Variants in NOL6 observed in about 807,000 individuals in gnomAD.
The protein encoded by NOL6 is nucleolar RNA-associated protein.
In NOL6, 33 loss-of-function variants were observed where a neutral mutation model predicts 131.7. That is an observed-to-expected ratio of 0.25 (90% CI 0.19 to 0.33). NOL6 has a LOEUF of 0.33. NOL6 is among the 10% of genes least tolerant of loss of function. The pLI is 1.00. For synonymous variants in NOL6, 580 were observed against 605.7 expected (o/e 0.96, Z 0.62); for missense variants, 1,297 against 1,494.5 (o/e 0.87, Z 2.18).
Position 33,464,921 on chromosome 9 carries a change from T to C in NOL6, c.2737A>G (p.Lys913Glu). ...AGGTTGACAAAGAGGGGGTTGTTCT[T>C]CCAATCAAACGTTGATACCAAGAAA... ...FLFLVSTFDW[K>E]NNPLFVNLNN... is the part of the protein sequence containing the mutation. Residue 913 changes from lysine to glutamate, a missense_variant, in exon 21 of 26, where the codon AAG (lysine) becomes GAG (glutamate). Physicochemically the swap from Lys to Glu is moderately conservative, Grantham distance 56 (BLOSUM62 1). Transcript: ENST00000297990. 1.2e-6 allele frequency: 2 copies of C among 1,613,980 alleles called. No homozygotes were observed. Among genetic ancestry groups the C allele is most frequent in the Non-Finnish European group, 1.7e-6 (2 of 1,179,992 alleles).
Position 33,465,432 on chromosome 9 carries a change from C to T in NOL6, c.2529-73G>A, listed in dbSNP as rs113783051. ...CTGTTCATCCAGCCCCTACCCAAGG[C>T]CAGCCTCAGTGATAATAGGTTACAT... On this transcript the variant is annotated intron_variant, in intron 19 of 25. Coordinates refer to ENST00000297990, the MANE Select transcript of NOL6 (RefSeq NM_022917.5). 2.7e-5 allele frequency: 40 copies of T among 1,482,784 alleles called. No homozygotes were observed. In the African/African-American group the frequency reaches 4.6e-4, roughly 17 times the overall value. The allele number at this position is 1,482,784 out of a possible 1,614,324, so 91.9% of individuals were successfully genotyped here. A position where few individuals can be genotyped will look rare whatever the true frequency, so the allele number is the denominator to read the frequency against.
At chr9:33,472,941 C>G (rs1341712640) in intron 1 of NOL6, among the ~76,000 whole-genome samples, 1 of 144,406 alleles carries the variant, frequency 6.9e-6, no homozygotes, top group Non-Finnish European at 1.5e-5. Flanking sequence ...CCATTGCATT[C>G]TAGCCTGGGC....
At position 33,467,271 on chromosome 9, in the gene NOL6, G is replaced by A. The variant is rs765926533; in HGVS notation, c.1726-9C>T. On this transcript the variant is annotated splice_polypyrimidine_tract_variant and intron_variant, in intron 13 of 25. Coordinates refer to ENST00000297990, the MANE Select transcript of NOL6 (RefSeq NM_022917.5). The surrounding 1 kb of genome is among the most constrained non-coding windows in gnomAD (Gnocchi z 4.4). ...TGGCGGAATTTAGCAGCCTGAGGAG[G>A]CAAGGGTGGTAGTAGAGCTGGGGAA... 3.7e-5 allele frequency: 60 copies of A among 1,613,794 alleles called. No homozygotes were observed. The highest frequency in any genetic ancestry group is 4.8e-5 in the Non-Finnish European group (57 of 1,179,856).
Position 33,465,279 on chromosome 9 carries a change from C to T in NOL6, c.2609G>A (p.Gly870Asp). ...CAGATCCAGGCTCTCATCAGCGAAA[C>T]CCTCACCAAGAAGCTGGGCACGCAC... ...RWVRAQLLGEGFADESLDLVA... is the reference protein window; with the variant it reads ...RWVRAQLLGEDFADESLDLVA... Residue 870 changes from glycine to aspartate, a missense_variant, in exon 20 of 26, where the codon GGT (glycine) becomes GAT (aspartate). By Grantham distance (94) the Gly-to-Asp change is moderately conservative. Coordinates refer to ENST00000297990, the MANE Select transcript of NOL6 (RefSeq NM_022917.5). The T allele has an allele frequency of 6.3e-7, 1 of 1,596,632 alleles. No homozygotes were observed. Among genetic ancestry groups the T allele is most frequent in the Non-Finnish European group, 8.5e-7 (1 of 1,171,182 alleles).
chr9:33,468,583 G>A lies in NOL6; in HGVS notation c.1148-17C>T, dbSNP rs879097365. On this transcript the variant is annotated splice_polypyrimidine_tract_variant and intron_variant, in intron 8 of 25. Coordinates refer to ENST00000297990, the MANE Select transcript of NOL6 (RefSeq NM_022917.5). Reference sequence around the variant, plus strand: ...CTGTAGTGGCTGAAGTGAATCACAAGTGTATTAGAAGGTATCCCCTTCTGG... The same window carrying A: ...CTGTAGTGGCTGAAGTGAATCACAAATGTATTAGAAGGTATCCCCTTCTGG... 6.2e-7 allele frequency: 1 copy of A among 1,613,786 alleles called. No individual in the cohort carries two copies. The highest frequency in any genetic ancestry group is 1.3e-5 in the African/African-American group (1 of 75,030).
chr9:33,469,712 T>G, intron 4 of NOL6, 45 bp from the exon 5 acceptor site: 1 of 1,583,552 alleles, frequency 6.3e-7, no homozygotes, highest in Non-Finnish European at 8.5e-7. Flanking sequence ...CATAAGTGCT[T>G]GTGGAGCTGT....
rs1373343316 is a variant in NOL6 at position 33,465,250 on chromosome 9, C to T, written c.2638G>A (p.Ala880Thr). The T allele has an allele frequency of 5.6e-6, 9 of 1,597,994 alleles. No homozygotes were observed. The East Asian group carries it at 1.6e-4, about 28-fold the overall frequency. The change falls in exon 20 of 26, where the codon GCC becomes ACC. Residue 880 changes from alanine (A) to threonine (T), a missense_variant. Coordinates refer to ENST00000297990, the MANE Select transcript of NOL6 (RefSeq NM_022917.5). ...GFADESLDLV[A>T]AALFLHPEPF... Reference sequence around the variant, plus strand: ...TCAGGGTGCAGGAAAAGGGCAGCGGCCACCAGATCCAGGCTCTCATCAGCG... The same window carrying T: ...TCAGGGTGCAGGAAAAGGGCAGCGGTCACCAGATCCAGGCTCTCATCAGCG...
Position 33,468,579 on chromosome 9 carries a change from A to G in NOL6, c.1148-13T>C, listed in dbSNP as rs1301352221. The G allele has an allele frequency of 6.2e-7, 1 of 1,613,844 alleles. No individual in the cohort carries two copies. The highest frequency in any genetic ancestry group is 8.5e-7 in the Non-Finnish European group (1 of 1,179,834). On this transcript the variant is annotated splice_polypyrimidine_tract_variant and intron_variant, in intron 8 of 25. Coordinates refer to ENST00000297990, the MANE Select transcript of NOL6 (RefSeq NM_022917.5). The stretch of plus-strand genomic sequence containing the variant: ...AGGTCTGTAGTGGCTGAAGTGAATC[A>G]CAAGTGTATTAGAAGGTATCCCCTT...
At position 33,468,984 on chromosome 9, in the gene NOL6, A is replaced by G; in HGVS notation, c.1000T>C (p.Trp334Arg). ...LKDGVALLKV[W>R]LRQRELDKGQ... is the part of the protein sequence containing the mutation. ...TTGTCCAGCTCCCGCTGCCGCAGCC[A>G]GACCTTCAGAAGTGCCACGCCATCC... Residue 334 changes from tryptophan (W) to arginine (R), a missense_variant, in exon 7 of 26, where the codon TGG becomes CGG. Transcript: ENST00000297990. 1.2e-6 allele frequency: 2 copies of G among 1,614,190 alleles called. No homozygotes were observed. The highest frequency in any genetic ancestry group is 1.7e-6 in the Non-Finnish European group (2 of 1,180,020).
rs144030112 is a variant in NOL6, at chr9:33,467,864, G to A, written c.1429C>T (p.Arg477Cys). 1.5e-4 allele frequency: 231 copies of A among 1,586,816 alleles called. No individual in the cohort carries two copies. The highest frequency in any genetic ancestry group is 1.8e-4 in the Non-Finnish European group (215 of 1,165,688). Residue 477 changes from arginine (R) to cysteine (C), a missense_variant, in exon 12 of 26, where the codon CGT (arginine) becomes TGT (cysteine). Transcript: ENST00000297990. This position sits in a 1 kb window ranked among gnomAD's most constrained non-coding sequence, Gnocchi z 4.4. ...IRAFDHVLHLRPLSRLQAACH... is the reference protein window; with the variant it reads ...IRAFDHVLHLCPLSRLQAACH... The stretch of plus-strand genomic sequence containing the variant: ...GCTGCCTGCAGGCGACTCAGTGGAC[G>A]GAGACTGGAGGGGTACAAAGGGCCA...
chr9:33,465,943 C>G, intron 18 of NOL6, 46 bp from the exon 19 acceptor site: 2 of 1,597,840 alleles, frequency 1.3e-6, no homozygotes, highest in Non-Finnish European at 1.7e-6. Flanking sequence ...CAGCCCAGAA[C>G]CCCGGGAGTA....
chr9:33,472,677 G>C, intron 1 of NOL6: 1 of 518,380 alleles, frequency 1.9e-6, no homozygotes, highest in Non-Finnish European at 3.5e-6. Context: ...AGTGATAGAA[G>C]CTGACTGGGC....
In NOL6 at chr9:33,467,284, T is replaced by C. The variant is rs764545400; in HGVS notation, c.1726-22A>G. ...CAGCCTGAGGAGGCAAGGGTGGTAGTAGAGCTGGGGAAGGAAGGGCTCTGT... is the reference window on the plus strand; with the variant it reads ...CAGCCTGAGGAGGCAAGGGTGGTAGCAGAGCTGGGGAAGGAAGGGCTCTGT... On this transcript the variant is annotated intron_variant, in intron 13 of 25. Transcript: ENST00000297990. The surrounding 1 kb of genome is among the most constrained non-coding windows in gnomAD (Gnocchi z 4.4). 4 of 1,613,054 alleles carry C rather than the reference T, an allele frequency of 2.5e-6. No individual in the cohort carries two copies. Among genetic ancestry groups the C allele is most frequent in the African/African-American group, 2.7e-5 (2 of 75,016 alleles).
At position 33,468,885 on chromosome 9, in the gene NOL6, G is replaced by A. The variant is rs539747638; in HGVS notation, c.1027-13C>T. On this transcript the variant is annotated splice_polypyrimidine_tract_variant and intron_variant, in intron 7 of 25. Coordinates refer to ENST00000297990, the MANE Select transcript of NOL6 (RefSeq NM_022917.5). The stretch of plus-strand genomic sequence containing the variant: ...ACCCACCCTGGCCCTGAAAGAGACA[G>A]GGAGAGGCTGAGGTCAGAGCCTGCC... 5.6e-6 allele frequency: 9 copies of A among 1,614,128 alleles called. No individual in the cohort carries two copies. In the South Asian group the frequency reaches 8.8e-5, roughly 16 times the overall value.
At chr9:33,465,696 G>T in intron 19 of NOL6, 38 bp downstream of exon 19, 1 of 1,594,052 alleles carries the variant, frequency 6.3e-7, no homozygotes. Flanking sequence ...GGCAGGAGGG[G>T]GCCTACAGAC....
rs375623526 is a variant in NOL6 at position 33,469,097 on chromosome 9, C to T, written c.887G>A (p.Arg296His). 96 of 1,613,996 alleles carry T rather than the reference C, an allele frequency of 5.9e-5. 1 individual carries two copies. The highest frequency in any genetic ancestry group is 1.5e-4 in the Admixed American group (9 of 59,994). Residue 296 changes from arginine (R) to histidine (H), a missense_variant, in exon 7 of 26, where the codon CGC becomes CAC. Physicochemically the swap from Arg to His is conservative, Grantham distance 29 (BLOSUM62 0). Coordinates refer to ENST00000297990, the MANE Select transcript of NOL6 (RefSeq NM_022917.5). Reference sequence around the variant, plus strand: ...ATCTTGCAGGACCCATGTGTTATAGCGGGGGGTAGGAGGCTCTGGGCTACC... The same window carrying T: ...ATCTTGCAGGACCCATGTGTTATAGTGGGGGGTAGGAGGCTCTGGGCTACC... Reference protein sequence around the residue: ...GDGSPEPPTPRYNTWVLQDTV... With the variant: ...GDGSPEPPTPHYNTWVLQDTV...
Position 33,467,338 on chromosome 9 carries a change from G to A in NOL6, c.1725+56C>T. ...CCCTCCCCAACAAGCTTCAGTCCAGGTGCCATGAGGACGAGCCACCCCATT... is the reference window on the plus strand; with the variant it reads ...CCCTCCCCAACAAGCTTCAGTCCAGATGCCATGAGGACGAGCCACCCCATT... On this transcript the variant is annotated intron_variant, in intron 13 of 25. Transcript: ENST00000297990. This position sits in a 1 kb window ranked among gnomAD's most constrained non-coding sequence, Gnocchi z 4.4. The A allele has an allele frequency of 3.1e-6, 5 of 1,610,372 alleles. No homozygotes were observed. The highest frequency in any genetic ancestry group is 2.5e-6 in the Non-Finnish European group (3 of 1,176,952).
At chr9:33,466,874 T>C (rs769150365) in intron 15 of NOL6, 38 bp downstream of exon 15, 7 of 1,601,186 alleles carry the variant, frequency 4.4e-6, no homozygotes, top group Non-Finnish European at 6.0e-6. Context: ...GCAGATTGAT[T>C]ACTCTACAAT....
At position 33,472,416 on chromosome 9, in the gene NOL6, T is replaced by C; in HGVS notation, c.55-4A>G. On this transcript the variant is annotated splice_polypyrimidine_tract_variant and splice_region_variant and intron_variant, in intron 1 of 25. Coordinates refer to ENST00000297990, the MANE Select transcript of NOL6 (RefSeq NM_022917.5). ...CTTCCAGGGCTGGTTCCATCACCTG[T>C]GGCCAGTGAGGGAGAAGCCATTTTG... The C allele has an allele frequency of 6.2e-7, 1 of 1,612,646 alleles. No homozygotes were observed. Among genetic ancestry groups the C allele is most frequent in the Non-Finnish European group, 8.5e-7 (1 of 1,179,312 alleles).
Sources: allele counts gnomAD v4.1 joint callset (sites outside exome capture counted in the v4.1 genomes callset), GRCh38; gene constraint gnomAD v4.1.1; non-coding constraint Gnocchi (gnomAD v3.1); transcripts MANE v1.5; gene names NCBI Gene and HGNC (gene_info 2026-07-23, HGNC 2026-07-21).